TNRC6B: variants seen among roughly 807,000 people sequenced by gnomAD.
TNRC6B encodes the protein trinucleotide repeat containing adaptor 6B, also known as trinucleotide repeat-containing gene 6B protein.
A neutral mutation model predicts 203.6 loss-of-function variants in TNRC6B; 52 were observed. The ratio of observed to expected loss-of-function variants is 0.26; its 90% confidence interval spans 0.20 to 0.32. The LOEUF is 0.32. Among genes scored for constraint, TNRC6B ranks in the 10% least tolerant of loss-of-function variants. The pLI is 1.00. For missense variants in TNRC6B, 1,923 were observed against 2,286.2 expected, an observed-to-expected ratio of 0.84 and a Z score of 3.24; for synonymous variants, 838 against 845.7, an observed-to-expected ratio of 0.99 and a Z score of 0.16.
At chr22:40,203,502 A>G (rs2069440154) in intron 1 of TNRC6B, among the ~76,000 whole-genome samples, 1 of 152,102 alleles carries the variant, frequency 6.6e-6, no homozygotes, top group African/African-American at 2.4e-5. Context: ...GGGGAGATGG[A>G]GAGAAGGAAA....
At position 40,281,253 on chromosome 22, in the gene TNRC6B, C is replaced by G; in HGVS notation, c.3546C>G (p.Gly1182=). 2 of 1,549,632 alleles carry G rather than the reference C, an allele frequency of 1.3e-6. No individual in the cohort carries two copies. The highest frequency in any genetic ancestry group is 1.7e-6 in the Non-Finnish European group (2 of 1,146,040). The stretch of plus-strand genomic sequence containing the variant: ...CCAACGTCAGCCTTGGAGCAATCGG[C>G]ACAGGGCTCAACCCCCAAAACTTCG... ...TLPNVSLGAI[G]TGLNPQNFAA... is the part of the protein sequence containing the mutation. The change falls in exon 11 of 23, where the codon GGC becomes GGG. Residue 1182 remains glycine (G), a synonymous_variant. Transcript: ENST00000454349.
At position 40,180,791 on chromosome 22, in the gene TNRC6B, C is replaced by T. The variant is rs141728117; in HGVS notation, c.5+2651C>T. On this transcript the variant is annotated intron_variant, in intron 1 of 22. Coordinates refer to ENST00000454349, the MANE Select transcript of TNRC6B (RefSeq NM_001162501.2). ...TTATGAAGAGCAATATCCAGGGGTG[C>T]TGGAACTTGCACGTTGTAGTTTTAC... Among the ~76,000 whole-genome samples the T allele has an allele frequency of 4.5e-3, 688 of 152,242 alleles. 7 individuals are homozygous for T. Among genetic ancestry groups the T allele is most frequent in the African/African-American group, 0.015 (628 of 41,528 alleles).
chr22:40,158,902 C>G (rs1265568854), intron 4 of TNRC6B, among the ~76,000 whole-genome samples: 2 of 152,076 alleles, frequency 1.3e-5, no homozygotes, highest in Non-Finnish European at 2.9e-5. Flanking sequence ...CTGCAGTTGG[C>G]AAATGATTAT....
chr22:40,236,254 A>G (rs1278656317), intron 1 of TNRC6B, among the ~76,000 whole-genome samples: 1 of 152,132 alleles, frequency 6.6e-6, no homozygotes, highest in East Asian at 1.9e-4. Context: ...ACCATTTTTT[A>G]TAACCACTCC....
chr22:40,271,318 T>C (rs997320774), intron 6 of TNRC6B, among the ~76,000 whole-genome samples: 1 of 152,220 alleles, frequency 6.6e-6, no homozygotes, highest in African/African-American at 2.4e-5. Context: ...TATCTTTTGA[T>C]TAAATAATGA....
At chr22:40,320,039 C>T (rs2071314456) in intron 21 of TNRC6B, among the ~76,000 whole-genome samples, 1 of 152,166 alleles carries the variant, frequency 6.6e-6, no homozygotes, top group African/African-American at 2.4e-5. Context: ...TCATTTTCTG[C>T]AAAGAACTAC....
In TNRC6B at chr22:40,201,591, A is replaced by G. The variant is rs915635103; in HGVS notation, c.5+23451A>G. On this transcript the variant is annotated intron_variant, in intron 1 of 22. Coordinates refer to ENST00000454349, the MANE Select transcript of TNRC6B (RefSeq NM_001162501.2). ...GCTGGGACTACAGGCGTACTCTACT[A>G]CACCTGGCTAATTTTTTATTTTTTG... 3.3e-5 allele frequency among the ~76,000 whole-genome samples: 5 copies of G among 151,242 alleles called. No homozygotes were observed. The South Asian group carries it at 6.3e-4, about 19-fold the overall frequency.
At chr22:40,286,994 T>TACA (rs2070793662) in intron 12 of TNRC6B, among the ~76,000 whole-genome samples, 2 of 152,110 alleles carry the variant, frequency 1.3e-5, no homozygotes, top group Non-Finnish European at 2.9e-5. Context: ...CAGTTTTTGT[T>TACA]GTTTTTGTGT....
intron 8 of TNRC6B, 38 bp from the exon 9 acceptor site, chr22:40,277,961 C>T (rs1299025267): frequency 6.9e-7 from 1 of 1,459,082 alleles, no homozygotes; most frequent in Non-Finnish European, 9.4e-7. Flanking sequence ...CAAAGATGTG[C>T]ATCCTTAATT....
chr22:40,168,753 G>A (rs547965689), intron 4 of TNRC6B, among the ~76,000 whole-genome samples: 19 of 152,234 alleles, frequency 1.2e-4, no homozygotes, highest in African/African-American at 4.1e-4. Flanking sequence ...TGATTTGGTA[G>A]TACCGAAGTT....
intron 3 of TNRC6B, among the ~76,000 whole-genome samples, chr22:40,130,814 A>G (rs1321816312): frequency 1.3e-5 from 2 of 151,528 alleles, no homozygotes; most frequent in African/African-American, 4.8e-5. Context: ...TAGTTAACAA[A>G]TGAATAAACG....
chr22:40,252,065 C>T (rs993753123), intron 3 of TNRC6B, among the ~76,000 whole-genome samples: 19 of 152,132 alleles, frequency 1.2e-4, no homozygotes, highest in African/African-American at 3.1e-4. Flanking sequence ...GCTTCTTGCT[C>T]GCCTGTTAAT....
At chr22:40,193,834 T>C (rs952602958) in intron 1 of TNRC6B, among the ~76,000 whole-genome samples, 11 of 151,580 alleles carry the variant, frequency 7.3e-5, no homozygotes, top group African/African-American at 2.7e-4. Flanking sequence ...AGATAAAACA[T>C]GTGGAACAGC....
chr22:40,154,861 ATATATATATATAT>A (rs1443137145), intron 3 of TNRC6B, among the ~76,000 whole-genome samples: 1 of 18,446 alleles, frequency 5.4e-5, no homozygotes, highest in Non-Finnish European at 8.4e-5. Flanking sequence ...AAAAAAAAAA[ATATATATATATAT>A]ATATATATAT....
intron 1 of TNRC6B, among the ~76,000 whole-genome samples, chr22:40,193,648 G>A (rs2069300931): frequency 6.6e-6 from 1 of 152,192 alleles, no homozygotes; most frequent in African/African-American, 2.4e-5. Flanking sequence ...GCAGAGAAGA[G>A]ACCTGAGGCA....
rs762800206 is a variant in TNRC6B at position 40,049,152 on chromosome 22, C to T, written c.-121+4154C>T. Among the ~76,000 whole-genome samples, 6 of 152,006 alleles carry T rather than the reference C, an allele frequency of 3.9e-5. No homozygotes were observed. In the South Asian group the frequency reaches 6.2e-4, roughly 16 times the overall value. ...ATCCCAGCACTTTGGGAGGCTGAGG[C>T]GGGTGGATCACGAGGTCAGGAGTTC... On this transcript the variant is annotated intron_variant, in intron 1 of 23. Coordinates refer to the TNRC6B transcript ENST00000301923.
chr22:40,065,282 GACT>G (rs2067886185), intron 1 of TNRC6B, among the ~76,000 whole-genome samples: 1 of 152,022 alleles, frequency 6.6e-6, no homozygotes, highest in African/African-American at 2.4e-5. Flanking sequence ...GAGTAGCTAA[GACT>G]ACAGGTGTGT....
At chr22:40,201,831 A>T (rs934303428) in intron 1 of TNRC6B, among the ~76,000 whole-genome samples, 1 of 152,068 alleles carries the variant, frequency 6.6e-6, no homozygotes, top group Non-Finnish European at 1.5e-5. Context: ...CACGATACTG[A>T]GAGTGCTCAT....
chr22:40,159,976 T>C (rs1019322369), intron 4 of TNRC6B, among the ~76,000 whole-genome samples: 3 of 152,048 alleles, frequency 2.0e-5, no homozygotes, highest in Non-Finnish European at 4.4e-5. Flanking sequence ...CGTACCCAGC[T>C]AATTAAAAAA....
Sources: gnomAD v4.1 joint callset for allele counts (sites outside exome capture counted in the v4.1 genomes callset) on GRCh38, gnomAD v4.1.1 for gene constraint, MANE v1.5 for transcripts, NCBI Gene and HGNC (gene_info 2026-07-23, HGNC 2026-07-21) for gene names.